MYH14: variants seen among roughly 807,000 people sequenced by gnomAD.
The protein encoded by MYH14 is myosin heavy chain 14, also known as myosin-14.
In MYH14, 123 loss-of-function variants were observed where a neutral mutation model predicts 255.5. That is an observed-to-expected ratio of 0.48 (90% CI 0.42 to 0.56). MYH14 has a LOEUF of 0.56. Ranked by LOEUF, MYH14 falls within the 20% of genes least tolerant of loss-of-function variation. The pLI, the probability that MYH14 is intolerant of heterozygous loss-of-function variation, is 0.00. For synonymous variants in MYH14, 1,095 were observed against 1,161.2 expected (o/e 0.94, Z 1.16); for missense variants, 2,423 against 2,802.3 (o/e 0.86, Z 3.06).
At chr19:50,216,743 C>T (rs978487668) in intron 2 of MYH14, among the ~76,000 whole-genome samples, 12 of 151,742 alleles carry the variant, frequency 7.9e-5, no homozygotes, top group African/African-American at 2.9e-4. Flanking sequence ...CAGAGATAGT[C>T]CATGCATATT....
rs1050248499 is a variant in MYH14, at chr19:50,286,237, G to A, written c.4540-245G>A. The A allele has an allele frequency of 1.2e-5, 5 of 401,402 alleles. No homozygotes were observed. In the Admixed American group the frequency reaches 1.6e-4, roughly 13 times the overall value. The allele number at this position is 401,402 out of a possible 1,614,324, so 24.9% of individuals were successfully genotyped here. The stretch of plus-strand genomic sequence containing the variant: ...TTTTTTCTACTGCCACTCTTAAGAG[G>A]AAGGAATGCCCTTTCTTCTGTTGAA... On this transcript the variant is annotated intron_variant, in intron 33 of 42. Coordinates refer to ENST00000642316, the MANE Select transcript of MYH14 (RefSeq NM_001145809.2).
intron 14 of MYH14, 133 bp downstream of exon 14, chr19:50,249,956 C>A: frequency 9.1e-7 from 1 of 1,102,766 alleles, no homozygotes; most frequent in Non-Finnish European, 1.3e-6. Flanking sequence ...AAGGTGACAG[C>A]ACCTGCTTCC....
At chr19:50,295,575 T>C (rs1161032985) in intron 39 of MYH14, among the ~76,000 whole-genome samples, 1 of 152,064 alleles carries the variant, frequency 6.6e-6, no homozygotes, top group Non-Finnish European at 1.5e-5. Context: ...GGATTGCTTT[T>C]AGCGTAGGAG....
In MYH14 at chr19:50,310,022, G is replaced by A. The variant is rs2062470051; in HGVS notation, c.*232G>A. The A allele has an allele frequency of 3.2e-6, 2 of 623,508 alleles. No individual in the cohort carries two copies. The highest frequency in any genetic ancestry group is 1.9e-5 in the African/African-American group (1 of 54,006). The allele number at this position is 623,508 out of a possible 1,614,324, so 38.6% of individuals were successfully genotyped here. A position where few individuals can be genotyped will look rare whatever the true frequency, so the allele number is the denominator to read the frequency against. ...GGGAGGCAATGACTGGAGCTACCTT[G>A]CTTGTTGGGGGACTGGGTACAGTTG... On this transcript the variant is annotated 3_prime_UTR_variant, in exon 43 of 43. Transcript: ENST00000642316.
At chr19:50,224,044 CT>C in intron 5 of MYH14, 109 bp from the exon 6 acceptor site, 1 of 756,394 alleles carries the variant, frequency 1.3e-6, no homozygotes, top group Non-Finnish European at 2.3e-6. Flanking sequence ...CCCAGTCCCC[CT>C]TCCCCCACCC....
intron 42 of MYH14, 62 bp from the exon 43 acceptor site, chr19:50,309,578 C>G (rs1023138207): frequency 6.2e-5 from 68 of 1,099,610 alleles, no homozygotes; most frequent in Middle Eastern, 4.4e-4. Flanking sequence ...CTCTCCTCCC[C>G]CTTTCTCCTC....
chr19:50,208,676 G>T (rs555432162), intron 1 of MYH14, among the ~76,000 whole-genome samples: 1 of 152,060 alleles, frequency 6.6e-6, no homozygotes, highest in African/African-American at 2.4e-5. Context: ...AATGATAAAA[G>T]TAAAAAAGGA....
At chr19:50,235,467 G>C (rs567217163) in intron 10 of MYH14, among the ~76,000 whole-genome samples, 7 of 151,738 alleles carry the variant, frequency 4.6e-5, no homozygotes, top group Non-Finnish European at 1.0e-4. Context: ...GCCTAGGTTA[G>C]TCTGGGCCAG....
rs376267080 is a variant in MYH14, at chr19:50,252,726, C to G, written c.1918C>G (p.Arg640Gly). The part of the protein sequence containing the change: ...VAALLHQSTD[R>G]LTAEIWKDEH... ...AGCCTTGCTCCACCAGAGCACAGAC[C>G]GGCTGACGGCAGAGATCTGGAAAGA... is the stretch of plus-strand genomic sequence containing the variant. The change falls in exon 16 of 43, where the codon CGG (arginine) becomes GGG (glycine). Residue 640 changes from arginine to glycine, a missense_variant. By Grantham distance (125) the Arg-to-Gly change is moderately radical (BLOSUM62 -2). Coordinates refer to ENST00000642316, the MANE Select transcript of MYH14 (RefSeq NM_001145809.2). The surrounding 1 kb of genome is among the most constrained non-coding windows in gnomAD (Gnocchi z 4.2). 22 of 1,595,452 alleles carry G rather than the reference C, an allele frequency of 1.4e-5. No individual in the cohort carries two copies. Among genetic ancestry groups the G allele is most frequent in the Middle Eastern group, 1.6e-4 (1 of 6,072 alleles).
At chr19:50,296,682 G>A (rs1023997055) in intron 39 of MYH14, among the ~76,000 whole-genome samples, 1 of 152,238 alleles carries the variant, frequency 6.6e-6, no homozygotes, top group Non-Finnish European at 1.5e-5. Flanking sequence ...TCTGGAGCAG[G>A]CAATGAACAA....
At chr19:50,272,023 C>G in intron 26 of MYH14, 51 bp downstream of exon 26, 2 of 1,583,698 alleles carry the variant, frequency 1.3e-6, no homozygotes, top group Non-Finnish European at 1.7e-6. Flanking sequence ...AATGGGGGAC[C>G]TCAGGCAAGC....
rs1373270520 is a variant in MYH14 at position 50,276,948 on chromosome 19, G to A, written c.3825+47G>A. ...GGGCAGGGGGGCCACGGGGAGGGCA[G>A]GGCAGGACGCGGGGTTGGAGGAGGT... On this transcript the variant is annotated intron_variant, in intron 29 of 42. Coordinates refer to ENST00000642316, the MANE Select transcript of MYH14 (RefSeq NM_001145809.2). This position sits in a 1 kb window ranked among gnomAD's most constrained non-coding sequence, Gnocchi z 4.3. The A allele has an allele frequency of 2.7e-6, 4 of 1,470,954 alleles. No individual in the cohort carries two copies. The highest frequency in any genetic ancestry group is 2.4e-5 in the South Asian group (2 of 82,810). The allele number at this position is 1,470,954 out of a possible 1,614,324, so 91.1% of individuals were successfully genotyped here.
At chr19:50,289,694 T>G in intron 35 of MYH14, 46 bp downstream of exon 35, 14 of 1,534,520 alleles carry the variant, frequency 9.1e-6, no homozygotes, top group Non-Finnish European at 1.2e-5. Context: ...AGCTGGGGTA[T>G]GCCATGGTGT....
chr19:50,220,009 T>C (rs1355029000), intron 3 of MYH14, among the ~76,000 whole-genome samples: 1 of 152,126 alleles, frequency 6.6e-6, no homozygotes, highest in Non-Finnish European at 1.5e-5. Flanking sequence ...AAGACCAGCC[T>C]GGGCAACATA....
In MYH14 at chr19:50,309,664, C is replaced by CCGCA; in HGVS notation, c.5988_5991dup (p.Val1998HisfsTer32). ...GACGCGGCCCCCTCACCTTCACCAC[C>CCGCA]CGCACGGTGCGCCAGGTCTTCCGAC... On this transcript the variant is annotated frameshift_variant, in exon 43 of 43. Coordinates refer to ENST00000642316, the MANE Select transcript of MYH14 (RefSeq NM_001145809.2). LOFTEE classifies it low-confidence loss of function (END_TRUNC). The CCGCA allele has an allele frequency of 6.2e-7, 1 of 1,611,128 alleles. No individual in the cohort carries two copies. Among genetic ancestry groups the CCGCA allele is most frequent in the East Asian group, 2.2e-5 (1 of 44,728 alleles).
In MYH14 at chr19:50,280,190, C is replaced by T. The variant is rs1376937545; in HGVS notation, c.4138-41C>T. On this transcript the variant is annotated intron_variant, in intron 31 of 42. Coordinates refer to ENST00000642316, the MANE Select transcript of MYH14 (RefSeq NM_001145809.2). The surrounding 1 kb of genome is among the most constrained non-coding windows in gnomAD (Gnocchi z 4.8). ...CCACCGTCACCCTCCCCTCCTTGTC[C>T]TCCCAGCCACACCTGACATTGCCGT... is the stretch of plus-strand genomic sequence containing the variant. 2 of 1,557,094 alleles carry T rather than the reference C, an allele frequency of 1.3e-6. No individual in the cohort carries two copies. The highest frequency in any genetic ancestry group is 2.0e-5 in the Admixed American group (1 of 51,166).
rs368368812 is a variant in MYH14, at chr19:50,308,987, C to T, written c.5788-18C>T. On this transcript the variant is annotated intron_variant, in intron 41 of 42. Coordinates refer to ENST00000642316, the MANE Select transcript of MYH14 (RefSeq NM_001145809.2). Reference sequence around the variant, plus strand: ...ACAGTACCTGGAGATATAACCCAGTCCCCCTGCTTCCATCAAGCTGGAGAA... The same window carrying T: ...ACAGTACCTGGAGATATAACCCAGTTCCCCTGCTTCCATCAAGCTGGAGAA... 5.6e-6 allele frequency: 9 copies of T among 1,597,042 alleles called. No homozygotes were observed. Among genetic ancestry groups the T allele is most frequent in the Non-Finnish European group, 7.7e-6 (9 of 1,171,640 alleles).
At chr19:50,273,632 G>GTGTGTGTGTGTGTGTGTGT (rs1568526399) in intron 27 of MYH14, among the ~76,000 whole-genome samples, 1 of 151,256 alleles carries the variant, frequency 6.6e-6, no homozygotes, top group Non-Finnish European at 1.5e-5. Context: ...GTGTGTGTGT[G>GTGTGTGTGTGTGTGTGTGT]GTTAAGAACA....
chr19:50,277,979 C>A (rs2035569889), intron 29 of MYH14, 104 bp from the exon 30 acceptor site: 2 of 835,952 alleles, frequency 2.4e-6, no homozygotes, highest in East Asian at 6.1e-5. Context: ...GAAGTGTGTT[C>A]CAGGCAGAGG....
Sources: gnomAD v4.1 joint callset for allele counts (sites outside exome capture counted in the v4.1 genomes callset) on GRCh38, gnomAD v4.1.1 for gene constraint, Gnocchi (gnomAD v3.1) non-coding constraint, MANE v1.5 for transcripts, NCBI Gene and HGNC (gene_info 2026-07-23, HGNC 2026-07-21) for gene names.